The following ULK4 variants were observed in gnomAD, a reference collection of about 807,000 sequenced individuals.
ULK4 encodes the protein unc-51 like kinase 4.
Under a neutral mutation model 160.6 loss-of-function variants are expected in ULK4, and 133 were observed. The observed-to-expected ratio is 0.83, with a 90% CI of 0.72 to 0.96. The LOEUF is 0.96. Ranked by LOEUF, ULK4 falls within the 40% of genes least tolerant of loss-of-function variation. The pLI is 0.00. For synonymous variants in ULK4, 534 were observed against 539.8 expected, an observed-to-expected ratio of 0.99 and a Z score of 0.15; for missense variants, 1,580 against 1,499.5, an observed-to-expected ratio of 1.05 and a Z score of -0.89.
intron 24 of ULK4, 60 bp from the exon 25 acceptor site, chr3:41,715,353 TA>T (rs543119516): frequency 6.9e-4 from 887 of 1,280,178 alleles, no homozygotes; most frequent in Admixed American, 1.8e-3. Flanking sequence ...GTTAGCTCAA[TA>T]AAAAAAAAAT....
At chr3:41,377,709 A>C (rs1190046861) in intron 35 of ULK4, among the ~76,000 whole-genome samples, 19 of 147,870 alleles carry the variant, frequency 1.3e-4, no homozygotes, top group East Asian at 1.2e-3. Context: ...GCGATCATTA[A>C]AAAGTCAGGA....
At chr3:41,557,417 T>A (rs537948870) in intron 32 of ULK4, among the ~76,000 whole-genome samples, 1 of 152,048 alleles carries the variant, frequency 6.6e-6, no homozygotes, top group South Asian at 2.1e-4. Context: ...AGAATTAATA[T>A]ATGTACAAAA....
chr3:41,931,470 T>A (rs1216251139), intron 5 of ULK4, among the ~76,000 whole-genome samples: 10 of 126,984 alleles, frequency 7.9e-5, no homozygotes, highest in Non-Finnish European at 1.2e-4. Flanking sequence ...CCCTAGAACT[T>A]AAAAAAAAAA....
chr3:41,805,194 T>A (rs955257928), intron 19 of ULK4, among the ~76,000 whole-genome samples: 4 of 152,248 alleles, frequency 2.6e-5, no homozygotes, highest in Non-Finnish European at 5.9e-5. Flanking sequence ...GAAGAGGTCC[T>A]TCACGTCCCT....
chr3:41,693,210 C>G (rs1318388146), intron 27 of ULK4, among the ~76,000 whole-genome samples: 1 of 152,176 alleles, frequency 6.6e-6, no homozygotes, highest in Admixed American at 6.5e-5. Flanking sequence ...AACTAGCATT[C>G]TCATGCATTG....
At chr3:41,939,787 C>G (rs1041599130) in intron 2 of ULK4, among the ~76,000 whole-genome samples, 1 of 152,046 alleles carries the variant, frequency 6.6e-6, no homozygotes, top group African/African-American at 2.4e-5. Flanking sequence ...CAAGCATTAC[C>G]GCTTGAGCTC....
chr3:41,891,797 C>A (rs147967139), intron 16 of ULK4, among the ~76,000 whole-genome samples: 8,374 of 152,088 alleles, frequency 0.055, 421 homozygotes, highest in East Asian at 0.16. Context: ...CCCAGCTACT[C>A]GGGAGGCTGA....
intron 22 of ULK4, among the ~76,000 whole-genome samples, chr3:41,745,252 A>G (rs1340874863): frequency 6.6e-6 from 1 of 151,592 alleles, no homozygotes; most frequent in African/African-American, 2.4e-5. Flanking sequence ...AAAGCTGGTC[A>G]CTCAATCTCT....
chr3:41,911,660 C>T lies in ULK4; in HGVS notation c.897-1G>A. 1 of 1,606,826 alleles carries T rather than the reference C, an allele frequency of 6.2e-7. No individual in the cohort carries two copies. The highest frequency in any genetic ancestry group is 8.5e-7 in the Non-Finnish European group (1 of 1,175,198). Reference sequence around the variant, plus strand: ...CCCAGAACACTCCATAGTGTTTCTGCTATTATTGGAGAAAACCAACACAAT... The same window carrying T: ...CCCAGAACACTCCATAGTGTTTCTGTTATTATTGGAGAAAACCAACACAAT... On this transcript the variant is annotated splice_acceptor_variant, in intron 9 of 36. Transcript: ENST00000301831. LOFTEE classifies it high-confidence loss of function.
chr3:41,334,263 T>G (rs2125743734), intron 35 of ULK4, among the ~76,000 whole-genome samples: 1 of 152,212 alleles, frequency 6.6e-6, no homozygotes, highest in African/African-American at 2.4e-5. Flanking sequence ...CTCTGCGAAT[T>G]GGGTTGAGAG....
intron 17 of ULK4, among the ~76,000 whole-genome samples, chr3:41,867,485 C>T (rs1486242777): frequency 6.6e-6 from 1 of 152,206 alleles, no homozygotes; most frequent in African/African-American, 2.4e-5. Flanking sequence ...GATTCTCATG[C>T]CTCAGCCTCC....
At chr3:41,707,812 G>A (rs1395065030) in intron 25 of ULK4, among the ~76,000 whole-genome samples, 1 of 151,352 alleles carries the variant, frequency 6.6e-6, no homozygotes, top group Non-Finnish European at 1.5e-5. Flanking sequence ...TGGGTGACAG[G>A]GCAAGACCTT....
chr3:41,840,199 C>A (rs534260346), intron 17 of ULK4, among the ~76,000 whole-genome samples: 5 of 152,156 alleles, frequency 3.3e-5, no homozygotes, highest in Admixed American at 3.3e-4. Context: ...GAGGCCAATA[C>A]GGGAGGATGG....
chr3:41,957,025 A>G (rs1248196226), intron 1 of ULK4, among the ~76,000 whole-genome samples: 1 of 152,260 alleles, frequency 6.6e-6, no homozygotes, highest in Non-Finnish European at 1.5e-5. Context: ...CTTGGCCAAC[A>G]TAACTCTTTA....
At chr3:41,888,432 G>A (rs965363052) in intron 16 of ULK4, among the ~76,000 whole-genome samples, 2 of 152,160 alleles carry the variant, frequency 1.3e-5, no homozygotes, top group African/African-American at 4.8e-5. Context: ...GAACCAACAA[G>A]GGAATCCTCT....
chr3:41,647,446 G>T (rs1228610272), intron 30 of ULK4, among the ~76,000 whole-genome samples: 1 of 151,734 alleles, frequency 6.6e-6, no homozygotes, highest in East Asian at 1.9e-4. Flanking sequence ...GTTGGAGTTT[G>T]CTAGAGGTCC....
chr3:41,334,796 C>A (rs1668372619), intron 35 of ULK4, among the ~76,000 whole-genome samples: 1 of 152,170 alleles, frequency 6.6e-6, no homozygotes, highest in South Asian at 2.1e-4. Context: ...GAATTAACCA[C>A]AAATAGCAAA....
chr3:41,880,563 T>C (rs1294926501), intron 17 of ULK4, among the ~76,000 whole-genome samples: 2 of 152,202 alleles, frequency 1.3e-5, no homozygotes, highest in Admixed American at 6.5e-5. Context: ...AAAATACACA[T>C]TACTTTGCTG....
chr3:41,597,472 C>T (rs1190970465), intron 31 of ULK4, among the ~76,000 whole-genome samples: 4 of 152,190 alleles, frequency 2.6e-5, no homozygotes, highest in African/African-American at 9.7e-5. Flanking sequence ...TCTCCACCTC[C>T]GCATAGCCCA....
Sources: gnomAD v4.1 joint callset for allele counts (sites outside exome capture counted in the v4.1 genomes callset) on GRCh38, gnomAD v4.1.1 for gene constraint, MANE v1.5 for transcripts, NCBI Gene and HGNC (gene_info 2026-07-23, HGNC 2026-07-21) for gene names.